ZNF776: variants seen among roughly 807,000 people sequenced by gnomAD.
ZNF776 encodes zinc finger protein 776.
A neutral mutation model predicts 7.0 loss-of-function variants in ZNF776; 4 were observed. That is an observed-to-expected ratio of 0.57 (90% CI 0.28 to 1.31). ZNF776 has a LOEUF of 1.31. ZNF776 is among the 50% of genes most tolerant of loss of function. ZNF776 has a pLI of 0.10. For missense variants in ZNF776, 555 were observed against 625.9 expected (o/e 0.89, Z 1.21); for synonymous variants, 212 against 213.7 (o/e 0.99, Z 0.07).
rs748625478 is a variant in ZNF776, at chr19:57,754,326, C to G, written c.1196C>G (p.Thr399Ser). ...SHLKEHQRVH[T>S]GERPYECKEC... is the part of the protein sequence containing the mutation. ...CTAAAGGAACACCAGAGAGTTCACA[C>G]TGGAGAAAGACCCTATGAGTGTAAA... is the stretch of plus-strand genomic sequence containing the variant. Residue 399 changes from threonine (T) to serine (S), a missense_variant, in exon 3 of 3, where the codon ACT becomes AGT. Transcript: ENST00000317178. The G allele has an allele frequency of 3.1e-6, 5 of 1,614,008 alleles. No homozygotes were observed. In the Admixed American group the frequency reaches 5.0e-5, roughly 16 times the overall value.
chr19:57,749,446 C>T (rs1986539820), intron 1 of ZNF776: 1 of 152,160 alleles, frequency 6.6e-6, no homozygotes, highest in Non-Finnish European at 1.5e-5. Context: ...TAGGGACTAC[C>T]ACTGCTAATG....
At position 57,753,411 on chromosome 19, in the gene ZNF776, T is replaced by C; in HGVS notation, c.281T>C (p.Met94Thr). The C allele has an allele frequency of 2.5e-6, 4 of 1,614,184 alleles. No individual in the cohort carries two copies. The highest frequency in any genetic ancestry group is 3.4e-6 in the Non-Finnish European group (4 of 1,180,042). Reference sequence around the variant, plus strand: ...ACCAAGAAGGTCCACCTCTGGGGAATGTGTGGCCCTCTCCTGGGAGATATC... The same window carrying C: ...ACCAAGAAGGTCCACCTCTGGGGAACGTGTGGCCCTCTCCTGGGAGATATC... ...VCTKKVHLWG[M>T]CGPLLGDILH... Residue 94 changes from methionine to threonine, a missense_variant, in exon 3 of 3, where the codon ATG becomes ACG. Transcript: ENST00000317178.
chr19:57,751,063 C>T (rs564325886), intron 2 of ZNF776, 152 bp downstream of exon 2: 114 of 854,114 alleles, frequency 1.3e-4, no homozygotes, highest in Non-Finnish European at 1.8e-4. Flanking sequence ...GTATGTAGGA[C>T]TGAGGTGTGT....
At position 57,754,682 on chromosome 19, in the gene ZNF776, T is replaced by G. The variant is rs1160334013; in HGVS notation, c.1552T>G (p.Cys518Gly). 1 of 1,606,546 alleles carries G rather than the reference T, an allele frequency of 6.2e-7. No homozygotes were observed. Among genetic ancestry groups the G allele is most frequent in the Admixed American group, 1.7e-5 (1 of 59,616 alleles). Residue 518 changes from cysteine to glycine, a missense_variant, in exon 3 of 3, where the codon TGT becomes GGT. Cys to Gly is a radical substitution (Grantham distance 159, BLOSUM62 -3). Coordinates refer to ENST00000317178, the MANE Select transcript of ZNF776 (RefSeq NM_173632.4). ...TCACACGGGAGAAAGACATCATGAATGTTGAAAATTTGGCAGATCTGTTGG... is the reference window on the plus strand; with the variant it reads ...TCACACGGGAGAAAGACATCATGAAGGTTGAAAATTTGGCAGATCTGTTGG... Reference protein sequence around the residue: ...RVHTGERHHEC With the variant: ...RVHTGERHHEG
chr19:57,747,569 G>A (rs1026997783), intron 1 of ZNF776, among the ~76,000 whole-genome samples: 2 of 152,126 alleles, frequency 1.3e-5, no homozygotes, highest in Non-Finnish European at 2.9e-5. Context: ...GATCAGATAG[G>A]TGCTAAGAGA....
chr19:57,753,143 C>A, intron 2 of ZNF776, 148 bp from the exon 3 acceptor site: 3 of 713,066 alleles, frequency 4.2e-6, no homozygotes, highest in Non-Finnish European at 6.9e-6. Context: ...TCTAAAGGAC[C>A]TTCATAAAGC....
At position 57,753,758 on chromosome 19, in the gene ZNF776, T is replaced by C. The variant is rs762566200; in HGVS notation, c.628T>C (p.Cys210Arg). 11 of 1,614,254 alleles carry C rather than the reference T, an allele frequency of 6.8e-6. No individual in the cohort carries two copies. Among genetic ancestry groups the C allele is most frequent in the Non-Finnish European group, 9.3e-6 (11 of 1,180,050 alleles). ...TCAGGGTGGAAAAACTCATTACATC[T>C]GTGGAGAGTCCACAATACCGTTTAG... ...PLQGGKTHYI[C>R]GESTIPFSNK... The change falls in exon 3 of 3, where the codon TGT (cysteine) becomes CGT (arginine). Residue 210 changes from cysteine to arginine, a missense_variant. Coordinates refer to ENST00000317178, the MANE Select transcript of ZNF776 (RefSeq NM_173632.4).
At chr19:57,747,147 A>C (rs944629388) in intron 1 of ZNF776, 56 bp downstream of exon 1, 13 of 1,530,260 alleles carry the variant, frequency 8.5e-6, no homozygotes, top group Non-Finnish European at 1.1e-5. Context: ...TAAGTCCAAA[A>C]GCAGAGAGGA....
At chr19:57,751,051 T>C (rs1452623477) in intron 2 of ZNF776, 140 bp downstream of exon 2, 1 of 1,023,720 alleles carries the variant, frequency 9.8e-7, no homozygotes, top group Admixed American at 3.1e-5. Flanking sequence ...AGGTTCTATG[T>C]GGTATGTAGG....
rs1053388945 is a variant in ZNF776, at chr19:57,753,237, T to C, written c.161-54T>C. The C allele has an allele frequency of 1.4e-5, 22 of 1,533,694 alleles. 1 individual carries two copies. The highest frequency in any genetic ancestry group is 1.1e-4 in the East Asian group (5 of 44,360). On this transcript the variant is annotated intron_variant, in intron 2 of 2. Coordinates refer to ENST00000317178, the MANE Select transcript of ZNF776 (RefSeq NM_173632.4). ...CAGCTGTTGATCAGGTATGGCTTAG[T>C]AATACTTCCCTTCGGAAGTACCTTG...
rs183569757 is a variant in ZNF776, at chr19:57,752,686, G to T, written c.161-605G>T. ...ATTCTTGAGAGTTTCAGACTTCACC[G>T]TTCTATACCCTGTCACTTCTCCTCT... On this transcript the variant is annotated intron_variant, in intron 2 of 2. Transcript: ENST00000317178. Among the ~76,000 whole-genome samples, 313 of 152,248 alleles carry T rather than the reference G, an allele frequency of 2.1e-3. 2 individuals are homozygous for T. The highest frequency in any genetic ancestry group is 7.1e-3 in the African/African-American group (294 of 41,542).
chr19:57,753,645 A>G lies in ZNF776; in HGVS notation c.515A>G (p.Asp172Gly). Residue 172 changes from aspartate (D) to glycine (G), a missense_variant, in exon 3 of 3, where the codon GAC becomes GGC. Physicochemically the swap from Asp to Gly is moderately conservative, Grantham distance 94 (BLOSUM62 -1). Coordinates refer to ENST00000317178, the MANE Select transcript of ZNF776 (RefSeq NM_173632.4). ...EPFIFHEVGK[D>G]FLSSLRLLQQ... The stretch of plus-strand genomic sequence containing the variant: ...TTTATCTTTCATGAGGTTGGGAAAG[A>G]CTTTTTGTCCAGCTTGAGATTACTC... 1 of 1,614,100 alleles carries G rather than the reference A, an allele frequency of 6.2e-7. No homozygotes were observed.
In ZNF776 at chr19:57,753,841, A is replaced by G. The variant is rs113158435; in HGVS notation, c.711A>G (p.Val237=). 13 of 1,614,238 alleles carry G rather than the reference A, an allele frequency of 8.1e-6. No homozygotes were observed. The highest frequency in any genetic ancestry group is 1.0e-5 in the Non-Finnish European group (12 of 1,180,038). The stretch of plus-strand genomic sequence containing the variant: ...TTCTCCCTAGAGAAGGACCTTATGT[A>G]TGCAGTGATTCTGGGAAATTCACTA... The part of the protein sequence containing the change: ...QRLLPREGPY[V]CSDSGKFTSK... Residue 237 remains valine (V), a synonymous_variant, in exon 3 of 3, where the codon GTA becomes GTG. Coordinates refer to ENST00000317178, the MANE Select transcript of ZNF776 (RefSeq NM_173632.4).
chr19:57,750,514 A>T (rs2122511716), intron 1 of ZNF776, among the ~76,000 whole-genome samples: 1 of 152,028 alleles, frequency 6.6e-6, no homozygotes, highest in Admixed American at 6.6e-5. Context: ...CTGCATTGGG[A>T]TTTACATGAC....
Position 57,754,815 on chromosome 19 carries a change from T to A in ZNF776, c.*128T>A, listed in dbSNP as rs1986729435. 1.2e-5 allele frequency: 11 copies of A among 898,634 alleles called. No homozygotes were observed. The highest frequency in any genetic ancestry group is 1.8e-5 in the Non-Finnish European group (11 of 596,098). 55.7% of individuals were successfully genotyped at this position (898,634 alleles called of 1,614,324 possible). A position where few individuals can be genotyped will look rare whatever the true frequency, so the allele number is the denominator to read the frequency against. On this transcript the variant is annotated 3_prime_UTR_variant, in exon 3 of 3. Transcript: ENST00000317178. Reference sequence around the variant, plus strand: ...CCAAAAGGTTGGCCTCATTCAACAATAGCAAGATCACACTGGGGAAAGGCT... The same window carrying A: ...CCAAAAGGTTGGCCTCATTCAACAAAAGCAAGATCACACTGGGGAAAGGCT...
chr19:57,751,650 G>A (rs1352730854), intron 2 of ZNF776, among the ~76,000 whole-genome samples: 5 of 151,552 alleles, frequency 3.3e-5, no homozygotes, highest in East Asian at 1.9e-4. Flanking sequence ...ACAAGCATGA[G>A]CCAGTGTGCC....
Position 57,756,893 on chromosome 19 carries a change from C to A in ZNF776, c.*2206C>A, listed in dbSNP as rs560727906. The A allele has an allele frequency of 2.2e-6, 1 of 455,116 alleles. No homozygotes were observed. Among genetic ancestry groups the A allele is most frequent in the South Asian group, 1.6e-5 (1 of 64,262 alleles). The allele number at this position is 455,116 out of a possible 1,614,324, so 28.2% of individuals were successfully genotyped here. On this transcript the variant is annotated 3_prime_UTR_variant, in exon 3 of 3. Coordinates refer to ENST00000317178, the MANE Select transcript of ZNF776 (RefSeq NM_173632.4). Reference sequence around the variant, plus strand: ...TTAGGGAAATGATGTCACTCTGAAACTCAGGCTGGAATACACTGGCATGGT... The same window carrying A: ...TTAGGGAAATGATGTCACTCTGAAAATCAGGCTGGAATACACTGGCATGGT...
At position 57,746,875 on chromosome 19, in the gene ZNF776, C is replaced by T. The variant is rs1406673151; in HGVS notation, c.-184C>T. ...AGTGAGAGACCGCGGAGTGTTGGGT[C>T]GTGTAGAAGTGACTGAACCCAGAAG... On this transcript the variant is annotated 5_prime_UTR_variant, in exon 1 of 3. Coordinates refer to ENST00000317178, the MANE Select transcript of ZNF776 (RefSeq NM_173632.4). 12 of 528,258 alleles carry T rather than the reference C, an allele frequency of 2.3e-5. No homozygotes were observed. The highest frequency in any genetic ancestry group is 6.3e-5 in the East Asian group (2 of 31,900). 32.7% of individuals were successfully genotyped at this position (528,258 alleles called of 1,614,324 possible). A position where few individuals can be genotyped will look rare whatever the true frequency, so the allele number is the denominator to read the frequency against.
chr19:57,747,171 C>G, intron 1 of ZNF776, 80 bp downstream of exon 1: 1 of 1,458,226 alleles, frequency 6.9e-7, no homozygotes, highest in African/African-American at 1.4e-5. Flanking sequence ...GGCGCCTGCT[C>G]AAGGTTTTAC....
Sources: gnomAD v4.1 joint callset for allele counts (sites outside exome capture counted in the v4.1 genomes callset) on GRCh38, gnomAD v4.1.1 for gene constraint, MANE v1.5 for transcripts, NCBI Gene and HGNC (gene_info 2026-07-23, HGNC 2026-07-21) for gene names.